SUGT1: variants seen among roughly 807,000 people sequenced by gnomAD.
SUGT1 encodes protein SGT1 homolog.
Under a neutral mutation model 56.1 loss-of-function variants are expected in SUGT1, and 15 were observed. That is an observed-to-expected ratio of 0.27 (90% CI 0.18 to 0.41). The LOEUF (loss-of-function observed/expected upper bound fraction) is 0.41, where lower values mean the gene tolerates loss of function less well. SUGT1 is among the 10% of genes least tolerant of loss of function. The pLI, the probability that SUGT1 is intolerant of heterozygous loss-of-function variation, is 1.00. For synonymous variants in SUGT1, 123 were observed against 128.6 expected (o/e 0.96, Z 0.30); for missense variants, 347 against 382.2 (o/e 0.91, Z 0.77).
In SUGT1 at chr13:52,700,233, A is replaced by C. The variant is rs959013517; in HGVS notation, c.*12398A>C. The stretch of plus-strand genomic sequence containing the variant: ...AACATACACCCAAATAAAGACTGCT[A>C]TGTATTTGACTTTAAAACTATAAAG... On this transcript the variant is annotated 3_prime_UTR_variant, in exon 13 of 13. Transcript: ENST00000310528. 6.6e-6 allele frequency: 1 copy of C among 152,200 alleles called. No homozygotes were observed. The allele number at this position is 152,200 out of a possible 1,614,324, so 9.4% of individuals were successfully genotyped here. A position where few individuals can be genotyped will look rare whatever the true frequency, so the allele number is the denominator to read the frequency against.
At chr13:52,664,383 A>G (rs916874801) in intron 8 of SUGT1, among the ~76,000 whole-genome samples, 1 of 152,260 alleles carries the variant, frequency 6.6e-6, no homozygotes, top group Non-Finnish European at 1.5e-5. Context: ...TAGATCTAAC[A>G]GAATTGTAAC....
Position 52,680,512 on chromosome 13 carries a change from TC to T in SUGT1, c.900+358del, listed in dbSNP as rs149526172. On this transcript the variant is annotated intron_variant, in intron 12 of 12. Transcript: ENST00000310528. ...ATGAAGAATATAGATACGAAACTTT[TC>T]AGAATAGTGTTTGCAAGTAGAAGGT... Among the ~76,000 whole-genome samples the T allele has an allele frequency of 8.5e-3, 1,299 of 152,312 alleles. 26 individuals carry two copies. The highest frequency in any genetic ancestry group is 0.03 in the African/African-American group (1,245 of 41,574).
intron 10 of SUGT1, among the ~76,000 whole-genome samples, chr13:52,671,998 G>A (rs749121542): frequency 5.9e-5 from 9 of 152,108 alleles, no homozygotes; most frequent in African/African-American, 9.7e-5. Context: ...GGGTGATTCC[G>A]TTAAGTAAGA....
chr13:52,663,130 ATTC>A lies in SUGT1; in HGVS notation c.399+22_399+24del. ...CTGAGGTGGTAAGTCCAAAGTTTTC[ATTC>A]TTCATGTTTTTATTATTTTAAATTT... On this transcript the variant is annotated intron_variant, in intron 7 of 12. Coordinates refer to ENST00000310528, the MANE Select transcript of SUGT1 (RefSeq NM_006704.5). 1.2e-6 allele frequency: 2 copies of A among 1,605,662 alleles called. No individual in the cohort carries two copies. Among genetic ancestry groups the A allele is most frequent in the Non-Finnish European group, 1.7e-6 (2 of 1,176,714 alleles).
rs528482735 is a variant in SUGT1 at position 52,693,116 on chromosome 13, T to TTG, written c.*5283_*5284dup. 8 of 103,948 alleles carry TTG rather than the reference T, an allele frequency of 7.7e-5. No individual in the cohort carries two copies. Among genetic ancestry groups the TTG allele is most frequent in the South Asian group, 4.0e-4 (1 of 2,500 alleles). The allele number at this position is 103,948 out of a possible 1,614,324, so 6.4% of individuals were successfully genotyped here. On this transcript the variant is annotated 3_prime_UTR_variant, in exon 13 of 13. Coordinates refer to ENST00000310528, the MANE Select transcript of SUGT1 (RefSeq NM_006704.5). ...CTTTTTCCTAACTTATGTTAGCATT[T>TTG]TGTATATATATATATATTTGAATTT...
rs908322769 is a variant in SUGT1, at chr13:52,696,113, C to G, written c.*8278C>G. 1 of 152,256 alleles carries G rather than the reference C, an allele frequency of 6.6e-6. No homozygotes were observed. Among genetic ancestry groups the G allele is most frequent in the African/African-American group, 2.4e-5 (1 of 41,446 alleles). 9.4% of individuals were successfully genotyped at this position (152,256 alleles called of 1,614,324 possible). Reference sequence around the variant, plus strand: ...ATTACAGTTGGTTCATTTCTTCCCCCGTGTGACTGAGTTTCTTGAGGGCGC... The same window carrying G: ...ATTACAGTTGGTTCATTTCTTCCCCGGTGTGACTGAGTTTCTTGAGGGCGC... On this transcript the variant is annotated 3_prime_UTR_variant, in exon 13 of 13. Transcript: ENST00000310528.
intron 12 of SUGT1, among the ~76,000 whole-genome samples, chr13:52,685,059 CT>C (rs2138176735): frequency 1.2e-5 from 1 of 85,960 alleles, no homozygotes; most frequent in South Asian, 4.8e-4. Context: ...TTCACTTTAC[CT>C]TTTGGTGTCT....
intron 4 of SUGT1, among the ~76,000 whole-genome samples, chr13:52,658,821 G>A (rs899988172): frequency 6.7e-6 from 1 of 149,498 alleles, no homozygotes; most frequent in African/African-American, 2.5e-5. Flanking sequence ...AGCTGAATAG[G>A]CTACATTTAA....
At chr13:52,685,139 T>C (rs999647554) in intron 12 of SUGT1, among the ~76,000 whole-genome samples, 1 of 151,428 alleles carries the variant, frequency 6.6e-6, no homozygotes, top group Non-Finnish European at 1.5e-5. Flanking sequence ...CGATCATGAA[T>C]CATTGCAGCC....
intron 4 of SUGT1, 34 bp downstream of exon 4, chr13:52,658,502 T>A (rs775300664): frequency 1.3e-6 from 2 of 1,582,106 alleles, no homozygotes; most frequent in South Asian, 2.4e-5. Flanking sequence ...TTGAGCTTGG[T>A]ATAGATAGTA....
chr13:52,689,348 TTTC>T lies in SUGT1; in HGVS notation c.*1519_*1521del, dbSNP rs778266740. On this transcript the variant is annotated 3_prime_UTR_variant, in exon 13 of 13. Coordinates refer to ENST00000310528, the MANE Select transcript of SUGT1 (RefSeq NM_006704.5). ...TTTTGGTTGGATGGATTTCTAAAGT[TTTC>T]TTCTTAGGAAAATAGGATAGTGACT... The T allele has an allele frequency of 3.3e-5, 5 of 152,324 alleles. No individual in the cohort carries two copies. Among genetic ancestry groups the T allele is most frequent in the Non-Finnish European group, 7.3e-5 (5 of 68,028 alleles). The allele number at this position is 152,324 out of a possible 1,614,324, so 9.4% of individuals were successfully genotyped here.
intron 6 of SUGT1, among the ~76,000 whole-genome samples, 169 bp downstream of exon 6, chr13:52,662,871 T>A (rs567888266): frequency 1.2e-4 from 19 of 152,318 alleles, no homozygotes; most frequent in Admixed American, 1.2e-3. Context: ...GCTTCTTATG[T>A]TGAAAGGGGG....
chr13:52,653,020 T>C, intron 1 of SUGT1, 26 bp from the exon 2 acceptor site: 1 of 1,614,208 alleles, frequency 6.2e-7, no homozygotes, highest in Non-Finnish European at 8.5e-7. Flanking sequence ...TAGTGAGCCC[T>C]GCTGAAGTCG....
intron 10 of SUGT1, among the ~76,000 whole-genome samples, chr13:52,668,133 C>T (rs1312641805): frequency 6.6e-6 from 1 of 152,114 alleles, no homozygotes; most frequent in Non-Finnish European, 1.5e-5. Context: ...CAGTCATGTA[C>T]TGCCACGCCC....
chr13:52,655,568 A>G (rs1465012132), intron 2 of SUGT1, among the ~76,000 whole-genome samples: 1 of 152,168 alleles, frequency 6.6e-6, no homozygotes, highest in Non-Finnish European at 1.5e-5. Context: ...GATTGAGGGC[A>G]TGGAGGTGAG....
At chr13:52,658,349 T>C in intron 3 of SUGT1, 50 bp from the exon 4 acceptor site, 1 of 1,601,186 alleles carries the variant, frequency 6.2e-7, no homozygotes, top group Admixed American at 1.8e-5. Context: ...TTGTGTGTAT[T>C]TGCTAGGATC....
At chr13:52,676,361 G>A (rs1285173931) in intron 11 of SUGT1, 41 bp downstream of exon 11, 2 of 1,493,964 alleles carry the variant, frequency 1.3e-6, no homozygotes, top group South Asian at 1.2e-5. Flanking sequence ...TTCATATTGT[G>A]TTGTGTAATT....
intron 8 of SUGT1, 67 bp downstream of exon 8, chr13:52,664,124 T>G (rs1427075618): frequency 6.8e-7 from 1 of 1,476,260 alleles, no homozygotes; most frequent in South Asian, 1.2e-5. Context: ...ACCCTGTAGT[T>G]TAATAGTAAG....
chr13:52,679,295 T>C (rs1455489883), intron 11 of SUGT1, among the ~76,000 whole-genome samples: 2 of 152,232 alleles, frequency 1.3e-5, no homozygotes, highest in African/African-American at 4.8e-5. Flanking sequence ...TGCAAGCAGC[T>C]CTGTTTACTC....
Sources: allele counts gnomAD v4.1 joint callset (sites outside exome capture counted in the v4.1 genomes callset), GRCh38; gene constraint gnomAD v4.1.1; transcripts MANE v1.5; gene names NCBI Gene and HGNC (gene_info 2026-07-23, HGNC 2026-07-21).